SDK2: variants seen among roughly 807,000 people sequenced by gnomAD.
SDK2 encodes protein sidekick-2.
SDK2 carries 105 observed loss-of-function variants against 253.9 expected under a neutral mutation model. That is an observed-to-expected ratio of 0.41 (90% CI 0.35 to 0.49). The LOEUF (loss-of-function observed/expected upper bound fraction) is 0.49. Among genes scored for constraint, SDK2 ranks in the 20% least tolerant of loss-of-function variants. The probability of loss-of-function intolerance (pLI) is 0.06; values close to 1 mark genes in which losing one functional copy is unlikely to be tolerated. For missense variants in SDK2, 2,608 were observed against 3,003.0 expected, an observed-to-expected ratio of 0.87 and a Z score of 3.07; for synonymous variants, 1,249 against 1,234.9, an observed-to-expected ratio of 1.01 and a Z score of -0.24.
chr17:73,612,176 G>C lies in SDK2; in HGVS notation c.64+31849C>G, dbSNP rs1040247304. The stretch of plus-strand genomic sequence containing the variant: ...CCCCGCTGCAGCCTCTTCAAGCGAG[G>C]AAAGATAAATGCAAGTACACCACAG... On this transcript the variant is annotated intron_variant, in intron 1 of 44. Transcript: ENST00000392650. This position sits in a 1 kb window ranked among gnomAD's most constrained non-coding sequence, Gnocchi z 4.4. Among the ~76,000 whole-genome samples the C allele has an allele frequency of 2.0e-5, 3 of 152,200 alleles. No individual in the cohort carries two copies. The highest frequency in any genetic ancestry group is 7.2e-5 in the African/African-American group (3 of 41,440).
At chr17:73,600,254 G>A (rs944579209) in intron 1 of SDK2, among the ~76,000 whole-genome samples, 9 of 152,232 alleles carry the variant, frequency 5.9e-5, no homozygotes, top group African/African-American at 1.7e-4. Flanking sequence ...GATGGCAGCC[G>A]TGTGCTGGGC....
chr17:73,631,924 C>A (rs1235379022), intron 1 of SDK2, among the ~76,000 whole-genome samples: 1 of 152,196 alleles, frequency 6.6e-6, no homozygotes, highest in African/African-American at 2.4e-5. Context: ...GACCCCACTG[C>A]TGGTGTTGAT....
Position 73,507,430 on chromosome 17 carries a change from C to A in SDK2, c.224+8G>T. On this transcript the variant is annotated splice_region_variant and intron_variant, in intron 2 of 44. Coordinates refer to ENST00000392650, the MANE Select transcript of SDK2 (RefSeq NM_001144952.2). ...AGCCAGGAGGAAGGGCGGGGAGGGG[C>A]AGTTTACCTGTATTCCAGGGAGAAC... 1 of 1,548,486 alleles carries A rather than the reference C, an allele frequency of 6.5e-7. No individual in the cohort carries two copies. Among genetic ancestry groups the A allele is most frequent in the South Asian group, 1.2e-5 (1 of 83,834 alleles).
At chr17:73,406,700 C>T (rs920130410) in intron 18 of SDK2, among the ~76,000 whole-genome samples, 14 of 152,082 alleles carry the variant, frequency 9.2e-5, no homozygotes, top group East Asian at 7.7e-4. Context: ...AAATATTCAA[C>T]GTAATTATAG....
At chr17:73,452,541 TAA>T (rs963997838) in intron 4 of SDK2, among the ~76,000 whole-genome samples, 1 of 151,752 alleles carries the variant, frequency 6.6e-6, no homozygotes, top group Non-Finnish European at 1.5e-5. Flanking sequence ...TTGTGGGAAT[TAA>T]AAGAGGATGA....
intron 37 of SDK2, among the ~76,000 whole-genome samples, chr17:73,368,123 G>T (rs1405909419): frequency 6.6e-6 from 1 of 152,170 alleles, no homozygotes; most frequent in Non-Finnish European, 1.5e-5. Context: ...GGCTGGGAGG[G>T]GCTGGGGGTG....
rs1019968077 is a variant in SDK2, at chr17:73,537,544, G to T, written c.65-29947C>A. ...GAGGCAGGCAGAGGGTGGAAGGGAT[G>T]GAGAAGTGGGTTCTGCAGCCTGGAG... On this transcript the variant is annotated intron_variant, in intron 1 of 44. Coordinates refer to ENST00000392650, the MANE Select transcript of SDK2 (RefSeq NM_001144952.2). Among the ~76,000 whole-genome samples, 8 of 152,228 alleles carry T rather than the reference G, an allele frequency of 5.3e-5. No individual in the cohort carries two copies. The South Asian group carries it at 1.7e-3, about 32-fold the overall frequency.
rs758072685 is a variant in SDK2 at position 73,393,693 on chromosome 17, G to T, written c.3765C>A (p.Gly1255=). 10 of 1,594,702 alleles carry T rather than the reference G, an allele frequency of 6.3e-6. No homozygotes were observed. The Admixed American group carries it at 1.7e-4, about 27-fold the overall frequency. Residue 1255 remains glycine, a synonymous_variant, in exon 27 of 45, where the codon GGC becomes GGA. Transcript: ENST00000392650. Reference sequence around the variant, plus strand: ...TGAGCTGGGCACTGCGAGACGAGTTGCCTTCCACCAGCCAGAATCGGGGCT... The same window carrying T: ...TGAGCTGGGCACTGCGAGACGAGTTTCCTTCCACCAGCCAGAATCGGGGCT... The part of the protein sequence containing the change: ...DTQPRFWLVE[G]NSSRSAQLTG...
At position 73,639,436 on chromosome 17, in the gene SDK2, A is replaced by G. The variant is rs1273453675; in HGVS notation, c.64+4589T>C. Among the ~76,000 whole-genome samples, 1 of 152,040 alleles carries G rather than the reference A, an allele frequency of 6.6e-6. No homozygotes were observed. Among genetic ancestry groups the G allele is most frequent in the Non-Finnish European group, 1.5e-5 (1 of 67,996 alleles). ...CATGGACAGCAGGGGTGGGACACCTAGGGGAGGGGGCACCCGGGGTGTCTC... is the reference window on the plus strand; with the variant it reads ...CATGGACAGCAGGGGTGGGACACCTGGGGGAGGGGGCACCCGGGGTGTCTC... On this transcript the variant is annotated intron_variant, in intron 1 of 44. Coordinates refer to ENST00000392650, the MANE Select transcript of SDK2 (RefSeq NM_001144952.2). The surrounding 1 kb of genome is among the most constrained non-coding windows in gnomAD (Gnocchi z 4.3).
chr17:73,349,269 A>T (rs1400748034), intron 43 of SDK2, among the ~76,000 whole-genome samples: 2 of 152,214 alleles, frequency 1.3e-5, no homozygotes, highest in African/African-American at 4.8e-5. Context: ...TTGGCAGAGG[A>T]TAAGAGCTCG....
intron 1 of SDK2, among the ~76,000 whole-genome samples, chr17:73,526,533 C>A (rs1335670561): frequency 1.3e-5 from 2 of 152,176 alleles, no homozygotes; most frequent in Non-Finnish European, 2.9e-5. Flanking sequence ...TGGTGACGAT[C>A]AGAGTCCTAG....
At chr17:73,573,965 G>A (rs931936210) in intron 1 of SDK2, among the ~76,000 whole-genome samples, 2 of 152,092 alleles carry the variant, frequency 1.3e-5, no homozygotes, top group East Asian at 1.9e-4. Context: ...TCACCTCCCC[G>A]ACCATGAGGA....
chr17:73,418,022 T>TTTTG lies in SDK2; in HGVS notation c.2186+1143_2186+1144insCAAA, dbSNP rs1555765787. On this transcript the variant is annotated intron_variant, in intron 16 of 44. Coordinates refer to ENST00000392650, the MANE Select transcript of SDK2 (RefSeq NM_001144952.2). ...GTCTCCTAGATGAGTTTTTTTTTTT[T>TTTTG]TTTTTTGTTTTTAGATGGAGTCTCG... Among the ~76,000 whole-genome samples, 8 of 149,308 alleles carry TTTTG rather than the reference T, an allele frequency of 5.4e-5. No individual in the cohort carries two copies. In the South Asian group the frequency reaches 6.4e-4, roughly 12 times the overall value.
intron 41 of SDK2, among the ~76,000 whole-genome samples, chr17:73,351,353 A>G (rs1599473725): frequency 6.6e-6 from 1 of 152,030 alleles, no homozygotes. Context: ...CAGGTGATCC[A>G]CCTGCCTCGG....
chr17:73,445,693 T>C (rs1235074226), intron 5 of SDK2, among the ~76,000 whole-genome samples: 1 of 147,782 alleles, frequency 6.8e-6, no homozygotes, highest in Non-Finnish European at 1.5e-5. Context: ...TCCTCACAAA[T>C]TGGTTGGCAG....
chr17:73,465,653 A>G lies in SDK2; in HGVS notation c.331+6459T>C, dbSNP rs1318889931. Among the ~76,000 whole-genome samples the G allele has an allele frequency of 2.0e-5, 3 of 152,200 alleles. No individual in the cohort carries two copies. The highest frequency in any genetic ancestry group is 4.4e-5 in the Non-Finnish European group (3 of 68,046). On this transcript the variant is annotated intron_variant, in intron 3 of 44. Coordinates refer to ENST00000392650, the MANE Select transcript of SDK2 (RefSeq NM_001144952.2). The surrounding 1 kb of genome is among the most constrained non-coding windows in gnomAD (Gnocchi z 4.2). ...TGACTTCCCCTTAATTGCTGTAATT[A>G]AAAACATGTAAAGAATCCTTTTTTA...
At chr17:73,417,588 G>T (rs1158605679) in intron 16 of SDK2, among the ~76,000 whole-genome samples, 1 of 152,010 alleles carries the variant, frequency 6.6e-6, no homozygotes, top group Non-Finnish European at 1.5e-5. Flanking sequence ...GATGGGGGAG[G>T]ATTGCTAACC....
intron 24 of SDK2, among the ~76,000 whole-genome samples, chr17:73,396,337 G>T (rs2062970710): frequency 1.3e-5 from 2 of 152,198 alleles, no homozygotes; most frequent in East Asian, 3.9e-4. Context: ...GGAGCCCAGG[G>T]CCTGGCCTCC....
Position 73,398,348 on chromosome 17 carries a change from G to T in SDK2, c.3175C>A (p.Pro1059Thr). The T allele has an allele frequency of 6.2e-7, 1 of 1,613,988 alleles. No individual in the cohort carries two copies. The highest frequency in any genetic ancestry group is 8.5e-7 in the Non-Finnish European group (1 of 1,179,864). Residue 1059 changes from proline to threonine, a missense_variant, in exon 23 of 45, where the codon CCC becomes ACC. Pro to Thr is a conservative substitution (Grantham distance 38). Around this residue, in one of 2 missense-constraint regions of SDK2, gnomAD observed 1,505 missense variants for 1,859.1 expected, o/e 0.81. Coordinates refer to ENST00000392650, the MANE Select transcript of SDK2 (RefSeq NM_001144952.2). ...TAGCAGGTGAAGGGGTTGAGGTCGGGCACCTCCATGGAGCGGGCATCGGGC... is the reference window on the plus strand; with the variant it reads ...TAGCAGGTGAAGGGGTTGAGGTCGGTCACCTCCATGGAGCGGGCATCGGGC... ...NEPDARSMEVPDLNPFTCYSF... is the reference protein window; with the variant it reads ...NEPDARSMEVTDLNPFTCYSF...
Sources: gnomAD v4.1 joint callset for allele counts (sites outside exome capture counted in the v4.1 genomes callset) on GRCh38, gnomAD v4.1.1 for gene constraint, gnomAD v4.1.1 regional missense constraint, Gnocchi (gnomAD v3.1) non-coding constraint, MANE v1.5 for transcripts, NCBI Gene and HGNC (gene_info 2026-07-23, HGNC 2026-07-21) for gene names.